The following SLC8A2 variants were observed in gnomAD, a reference collection of about 807,000 sequenced individuals.
The protein encoded by SLC8A2 is solute carrier family 8 member A2.
SLC8A2 carries 14 observed loss-of-function variants against 70.2 expected under a neutral mutation model. The ratio of observed to expected loss-of-function variants is 0.20; its 90% CI spans 0.13 to 0.31. The LOEUF is 0.31. Ranked by LOEUF, SLC8A2 falls within the 10% of genes least tolerant of loss-of-function variation. SLC8A2 has a pLI of 1.00. For missense variants in SLC8A2, 779 were observed against 1,320.1 expected, an observed-to-expected ratio of 0.59 and a Z score of 6.35; for synonymous variants, 575 against 594.3, an observed-to-expected ratio of 0.97 and a Z score of 0.47.
At chr19:47,446,521 G>A (rs1438141236) in intron 4 of SLC8A2, among the ~76,000 whole-genome samples, 3 of 152,078 alleles carry the variant, frequency 2.0e-5, no homozygotes, top group African/African-American at 7.2e-5. Flanking sequence ...CCTAACTCGT[G>A]GGCTCAAGCC....
intron 2 of SLC8A2, among the ~76,000 whole-genome samples, chr19:47,459,604 C>G (rs536758929): frequency 6.6e-6 from 1 of 150,822 alleles, no homozygotes; most frequent in East Asian, 2.0e-4. Context: ...TGTGTGCGTG[C>G]TTGTGTGTGC....
rs145133259 is a variant in SLC8A2 at position 47,432,803 on chromosome 19, T to C, written c.2111-358A>G. On this transcript the variant is annotated intron_variant, in intron 8 of 9. Coordinates refer to ENST00000236877, the MANE Select transcript of SLC8A2 (RefSeq NM_015063.3). The surrounding 1 kb of genome is among the most constrained non-coding windows in gnomAD (Gnocchi z 6.2). ...TTTCCCAGAATCCCTTGCACCTAAGTGTGGCCATGTCAGCAGCTAAAAACA... is the reference window on the plus strand; with the variant it reads ...TTTCCCAGAATCCCTTGCACCTAAGCGTGGCCATGTCAGCAGCTAAAAACA... Among the ~76,000 whole-genome samples, 772 of 151,902 alleles carry C rather than the reference T, an allele frequency of 5.1e-3. 8 individuals are homozygous for C. Among genetic ancestry groups the C allele is most frequent in the African/African-American group, 0.018 (727 of 41,422 alleles).
At chr19:47,454,146 A>C (rs931821489) in intron 3 of SLC8A2, among the ~76,000 whole-genome samples, 2 of 152,064 alleles carry the variant, frequency 1.3e-5, no homozygotes, top group African/African-American at 4.8e-5. Context: ...ACCCTGTCTC[A>C]AAAAACAATA....
intron 4 of SLC8A2, 130 bp from the exon 5 acceptor site, chr19:47,441,570 T>C: frequency 3.3e-6 from 2 of 615,284 alleles, no homozygotes; most frequent in East Asian, 5.5e-5. Context: ...CAATCTCATT[T>C]ACTTCTCACC....
Position 47,447,900 on chromosome 19 carries a change from G to T in SLC8A2, c.1672C>A (p.Pro558Thr). ...GCCGTGCCGTCCACCGTGCGGTAGGGAAGGCGCACGGTGCCGCGCGCGCCC... is the reference window on the plus strand; with the variant it reads ...GCCGTGCCGTCCACCGTGCGGTAGGTAAGGCGCACGGTGCCGCGCGCGCCC... ...SSGARGTVRLPYRTVDGTARG... is the reference protein window; with the variant it reads ...SSGARGTVRLTYRTVDGTARG... Residue 558 changes from proline to threonine, a missense_variant, in exon 4 of 10, where the codon CCC becomes ACC. Around this residue, in one of 6 missense-constraint regions of SLC8A2, gnomAD observed 247 missense variants for 362.8 expected, o/e 0.68. Transcript: ENST00000236877. The surrounding 1 kb of genome is among the most constrained non-coding windows in gnomAD (Gnocchi z 5.1). 6.3e-7 allele frequency: 1 copy of T among 1,584,306 alleles called. No homozygotes were observed. Among genetic ancestry groups the T allele is most frequent in the South Asian group, 1.1e-5 (1 of 87,796 alleles).
At chr19:47,451,767 A>G (rs956873195) in intron 3 of SLC8A2, among the ~76,000 whole-genome samples, 6 of 152,218 alleles carry the variant, frequency 3.9e-5, no homozygotes, top group African/African-American at 1.4e-4. Context: ...GATTCCTGCC[A>G]AAAGTGCAGG....
rs79387883 is a variant in SLC8A2 at position 47,459,515 on chromosome 19, T to C, written c.676-1921A>G. Among the ~76,000 whole-genome samples, 1,268 of 152,178 alleles carry C rather than the reference T, an allele frequency of 8.3e-3. 16 individuals are homozygous for C. The highest frequency in any genetic ancestry group is 0.024 in the Middle Eastern group (7 of 294). ...CTCTCTTGCTCCCCATCTCTGTGTG[T>C]GTGCACGTGCGTGCGCGTGTGTGCG... On this transcript the variant is annotated intron_variant, in intron 2 of 9. Transcript: ENST00000236877.
At chr19:47,458,419 T>C (rs1005553784) in intron 2 of SLC8A2, among the ~76,000 whole-genome samples, 2 of 142,598 alleles carry the variant, frequency 1.4e-5, no homozygotes, top group Middle Eastern at 3.3e-3. Flanking sequence ...TCCCCATCTC[T>C]CTCCCCCGAG....
chr19:47,430,395 G>C lies in SLC8A2; in HGVS notation c.2460C>G (p.Gly820=), dbSNP rs764092602. The change falls in exon 10 of 10, where the codon GGC becomes GGG. Residue 820 remains glycine (G), a synonymous_variant. Transcript: ENST00000236877. The surrounding 1 kb of genome is among the most constrained non-coding windows in gnomAD (Gnocchi z 5.9). The part of the protein sequence containing the change: ...CADASIGNVT[G]SNAVNVFLGL... ...CAAGGAACACGTTCACCGCGTTGGA[G>C]CCGGTCACGTTGCCGATGGACGCGT... The C allele has an allele frequency of 1.9e-6, 3 of 1,610,772 alleles. No individual in the cohort carries two copies. In the Admixed American group the frequency reaches 5.0e-5, roughly 27 times the overall value.
At chr19:47,439,012 C>T (rs1425102849) in intron 6 of SLC8A2, among the ~76,000 whole-genome samples, 2 of 152,168 alleles carry the variant, frequency 1.3e-5, no homozygotes, top group African/African-American at 2.4e-5. Flanking sequence ...GGCGTGGCCA[C>T]GGCCTGAGTT....
chr19:47,444,571 G>A (rs186578548), intron 4 of SLC8A2, among the ~76,000 whole-genome samples: 208 of 152,304 alleles, frequency 1.4e-3, no homozygotes, highest in Middle Eastern at 6.8e-3. Flanking sequence ...GACACACACA[G>A]ACAGCTGCCG....
chr19:47,463,142 T>C (rs1967416299), intron 2 of SLC8A2, among the ~76,000 whole-genome samples: 1 of 151,934 alleles, frequency 6.6e-6, no homozygotes, highest in Non-Finnish European at 1.5e-5. Flanking sequence ...CCTTTTCTTT[T>C]TTTTTTTTGA....
chr19:47,457,285 T>C lies in SLC8A2; in HGVS notation c.985A>G (p.Lys329Glu), dbSNP rs959035023. Residue 329 changes from lysine (K) to glutamate (E), a missense_variant, in exon 3 of 10, where the codon AAG becomes GAG. By Grantham distance (56) the Lys-to-Glu change is moderately conservative (BLOSUM62 1). Coordinates refer to ENST00000236877, the MANE Select transcript of SLC8A2 (RefSeq NM_015063.3). Reference protein sequence around the residue: ...LKDLKQKHPDKDLEQLVGIAN... With the variant: ...LKDLKQKHPDEDLEQLVGIAN... Reference sequence around the variant, plus strand: ...ATGCCCACCAGCTGCTCCAGATCCTTGTCCGGGTGCTTCTGCTTGAGGTCC... The same window carrying C: ...ATGCCCACCAGCTGCTCCAGATCCTCGTCCGGGTGCTTCTGCTTGAGGTCC... The C allele has an allele frequency of 2.2e-5, 34 of 1,546,824 alleles. No individual in the cohort carries two copies. The highest frequency in any genetic ancestry group is 2.9e-5 in the Non-Finnish European group (33 of 1,145,562).
chr19:47,439,870 G>A (rs1399539722), intron 6 of SLC8A2, among the ~76,000 whole-genome samples: 1 of 152,142 alleles, frequency 6.6e-6, no homozygotes, highest in African/African-American at 2.4e-5. Flanking sequence ...CACCATGTTG[G>A]TTAGGCTGGT....
intron 3 of SLC8A2, among the ~76,000 whole-genome samples, chr19:47,452,443 A>AGTGT (rs1568444573): frequency 1.0e-3 from 58 of 55,786 alleles, no homozygotes; most frequent in African/African-American, 4.5e-3. Context: ...AGAGAGAGAG[A>AGTGT]GAGTGTGTGT....
intron 1 of SLC8A2, among the ~76,000 whole-genome samples, chr19:47,467,221 G>T (rs1967474561): frequency 6.6e-6 from 1 of 152,218 alleles, no homozygotes; most frequent in African/African-American, 2.4e-5. Context: ...GCTGCACCCA[G>T]CACATGGATG....
chr19:47,454,831 G>A (rs942001419), intron 3 of SLC8A2, among the ~76,000 whole-genome samples: 13 of 152,134 alleles, frequency 8.5e-5, no homozygotes, highest in South Asian at 2.1e-4. Context: ...CACGCCTGTA[G>A]TCCCAGCACT....
At chr19:47,446,565 C>T (rs547777624) in intron 4 of SLC8A2, among the ~76,000 whole-genome samples, 150 of 152,258 alleles carry the variant, frequency 9.9e-4, no homozygotes, top group Middle Eastern at 6.8e-3. Flanking sequence ...GTAGCTGGGA[C>T]TACAAGTGCA....
At position 47,466,692 on chromosome 19, in the gene SLC8A2, C is replaced by T. The variant is rs1280317016; in HGVS notation, c.-16-273G>A. On this transcript the variant is annotated intron_variant, in intron 1 of 9. Coordinates refer to ENST00000236877, the MANE Select transcript of SLC8A2 (RefSeq NM_015063.3). The surrounding 1 kb of genome is among the most constrained non-coding windows in gnomAD (Gnocchi z 6.9). Reference sequence around the variant, plus strand: ...TTTGGGCAACTACAGCCGAACACCACGTATCATGCAATTCAGCAGTTTTGT... The same window carrying T: ...TTTGGGCAACTACAGCCGAACACCATGTATCATGCAATTCAGCAGTTTTGT... Among the ~76,000 whole-genome samples, 3 of 152,234 alleles carry T rather than the reference C, an allele frequency of 2.0e-5. No homozygotes were observed. Among genetic ancestry groups the T allele is most frequent in the South Asian group, 2.1e-4 (1 of 4,808 alleles).
Sources: gnomAD v4.1 joint callset for allele counts (sites outside exome capture counted in the v4.1 genomes callset) on GRCh38, gnomAD v4.1.1 for gene constraint, gnomAD v4.1.1 regional missense constraint, Gnocchi (gnomAD v3.1) non-coding constraint, MANE v1.5 for transcripts, NCBI Gene and HGNC (gene_info 2026-07-23, HGNC 2026-07-21) for gene names.